Variants in TPST1 observed in about 807,000 individuals in gnomAD.
The protein encoded by TPST1 is tyrosylprotein sulfotransferase 1.
A neutral mutation model predicts 34.8 loss-of-function variants in TPST1; 20 were observed. The observed-to-expected ratio is 0.57, with a 90% CI of 0.40 to 0.84. The LOEUF is 0.84. Among genes scored for constraint, TPST1 ranks in the 40% least tolerant of loss-of-function variants. TPST1 has a pLI of 0.00. For missense variants in TPST1, 353 were observed against 455.5 expected (o/e 0.78, Z 2.05); for synonymous variants, 152 against 159.4 (o/e 0.95, Z 0.35).
At chr7:66,269,348 T>C (rs962377131) in intron 2 of TPST1, among the ~76,000 whole-genome samples, 3 of 152,154 alleles carry the variant, frequency 2.0e-5, no homozygotes, top group Admixed American at 6.5e-5. Flanking sequence ...AAACCATAAA[T>C]AAAATACCAG....
chr7:66,305,034 C>T (rs1362053490), intron 3 of TPST1, among the ~76,000 whole-genome samples: 1 of 151,932 alleles, frequency 6.6e-6, no homozygotes, highest in Non-Finnish European at 1.5e-5. Context: ...GCCCAGGCTG[C>T]TCTTGAACTC....
Position 66,232,653 on chromosome 7 carries a change from G to A in TPST1, c.-101-7672G>A, listed in dbSNP as rs1478496768. Among the ~76,000 whole-genome samples, 3 of 152,232 alleles carry A rather than the reference G, an allele frequency of 2.0e-5. No individual in the cohort carries two copies. The South Asian group carries it at 6.2e-4, about 32-fold the overall frequency. ...ATTACAGGCATGAGCCACCGCGCCC[G>A]GCCCATGCCTGAATAGTTTTTAAAT... On this transcript the variant is annotated intron_variant, in intron 1 of 5. Transcript: ENST00000304842.
intron 1 of TPST1, among the ~76,000 whole-genome samples, chr7:66,233,849 T>C (rs1019176795): frequency 6.6e-6 from 1 of 152,202 alleles, no homozygotes; most frequent in Non-Finnish European, 1.5e-5. Context: ...TGCAGCTTCA[T>C]TGGCCTACTT....
At chr7:66,223,196 C>T (rs1789579811) in intron 1 of TPST1, among the ~76,000 whole-genome samples, 1 of 151,906 alleles carries the variant, frequency 6.6e-6, no homozygotes, top group Non-Finnish European at 1.5e-5. Flanking sequence ...TTTGTAATTC[C>T]AGCACTTTGG....
intron 4 of TPST1, among the ~76,000 whole-genome samples, chr7:66,356,390 AT>A (rs1342855113): frequency 6.6e-6 from 1 of 152,106 alleles, no homozygotes; most frequent in Non-Finnish European, 1.5e-5. Flanking sequence ...CACACCCAGC[AT>A]TTTTATTGGG....
chr7:66,313,810 A>G (rs1297361586), intron 3 of TPST1, among the ~76,000 whole-genome samples: 2 of 151,426 alleles, frequency 1.3e-5, no homozygotes, highest in African/African-American at 4.8e-5. Context: ...CTCCTTATAA[A>G]ATATTTCAAT....
chr7:66,353,274 A>C (rs1226846085), intron 4 of TPST1, among the ~76,000 whole-genome samples: 1 of 152,050 alleles, frequency 6.6e-6, no homozygotes, highest in Non-Finnish European at 1.5e-5. Flanking sequence ...ACACCACTGC[A>C]CTACAGCCTG....
intron 3 of TPST1, among the ~76,000 whole-genome samples, chr7:66,304,821 CTTT>C (rs72110892): frequency 6.8e-6 from 1 of 146,570 alleles, no homozygotes. Context: ...TAGCCATTTC[CTTT>C]TTTTTTTTTT....
intron 3 of TPST1, among the ~76,000 whole-genome samples, chr7:66,325,319 A>G (rs1199708425): frequency 2.0e-5 from 3 of 152,096 alleles, no homozygotes; most frequent in Non-Finnish European, 4.4e-5. Flanking sequence ...TGGGGATTAT[A>G]ATTCAAGAGG....
intron 3 of TPST1, among the ~76,000 whole-genome samples, chr7:66,311,206 A>G (rs555322715): frequency 1.3e-5 from 2 of 151,894 alleles, no homozygotes; most frequent in South Asian, 2.1e-4. Context: ...GCATGATGAT[A>G]GCTCACTGTA....
At chr7:66,328,880 CTCTCTCTATA>C (rs1200225226) in intron 3 of TPST1, among the ~76,000 whole-genome samples, 11 of 30,864 alleles carry the variant, frequency 3.6e-4, no homozygotes, top group South Asian at 8.6e-4. Context: ...CTCTCTCTCT[CTCTCTCTATA>C]TATATATATA....
intron 2 of TPST1, among the ~76,000 whole-genome samples, chr7:66,252,171 C>T (rs1359115442): frequency 6.6e-6 from 1 of 151,000 alleles, no homozygotes; most frequent in African/African-American, 2.4e-5. Context: ...CATTCTCCTG[C>T]CTCAGCCTCC....
intron 3 of TPST1, among the ~76,000 whole-genome samples, chr7:66,340,736 G>C (rs1266746269): frequency 6.6e-6 from 1 of 152,180 alleles, no homozygotes; most frequent in Non-Finnish European, 1.5e-5. Flanking sequence ...GACAGAAATT[G>C]AAGAGGACAT....
intron 3 of TPST1, among the ~76,000 whole-genome samples, chr7:66,314,005 T>G (rs1362560917): frequency 6.6e-6 from 1 of 152,232 alleles, no homozygotes; most frequent in African/African-American, 2.4e-5. Flanking sequence ...GCTGGCAGGT[T>G]ATTTTACAGT....
chr7:66,236,030 T>A (rs1789905430), intron 1 of TPST1, among the ~76,000 whole-genome samples: 1 of 152,050 alleles, frequency 6.6e-6, no homozygotes, highest in South Asian at 2.1e-4. Context: ...AAATTACACT[T>A]CAATACAGCT....
At chr7:66,231,598 T>C (rs576445259) in intron 1 of TPST1, among the ~76,000 whole-genome samples, 140 of 152,340 alleles carry the variant, frequency 9.2e-4, no homozygotes, top group African/African-American at 3.1e-3. Flanking sequence ...AGCCCCTCAT[T>C]GCCCGGGGCC....
At chr7:66,319,969 ATC>A (rs1356792683) in intron 3 of TPST1, among the ~76,000 whole-genome samples, 2 of 152,214 alleles carry the variant, frequency 1.3e-5, no homozygotes, top group East Asian at 3.9e-4. Flanking sequence ...TCCAAAGATA[ATC>A]TCTGTCCTGA....
rs1554349789 is a variant in TPST1, at chr7:66,296,247, T to TTCC, written c.1044+9538_1044+9539insTCC. ...ACTGAAATTAAAAAACACCCACCCTTCCCCCCCCCCTCCCCCACCGTCTCT... is the reference window on the plus strand; with the variant it reads ...ACTGAAATTAAAAAACACCCACCCTTTCCCCCCCCCCCCTCCCCCACCGTCTCT... On this transcript the variant is annotated intron_variant, in intron 3 of 5. Transcript: ENST00000304842. Among the ~76,000 whole-genome samples the TTCC allele has an allele frequency of 4.0e-4, 16 of 40,058 alleles. 1 individual carries two copies. The highest frequency in any genetic ancestry group is 5.4e-4 in the East Asian group (1 of 1,868). The allele number at this position is 40,058 out of a possible 152,430, so 26.3% of individuals were successfully genotyped here. A position where few individuals can be genotyped will look rare whatever the true frequency, so the allele number is the denominator to read the frequency against.
chr7:66,337,392 C>G (rs1160903396), intron 3 of TPST1, among the ~76,000 whole-genome samples: 1 of 149,562 alleles, frequency 6.7e-6, no homozygotes, highest in Non-Finnish European at 1.5e-5. Context: ...TCACTGCAAC[C>G]TGCACCTCCT....
Sources: allele counts gnomAD v4.1 joint callset (sites outside exome capture counted in the v4.1 genomes callset), GRCh38; gene constraint gnomAD v4.1.1; transcripts MANE v1.5; gene names NCBI Gene and HGNC (gene_info 2026-07-23, HGNC 2026-07-21).